OR52L1: variants seen among roughly 807,000 people sequenced by gnomAD.
The protein encoded by OR52L1 is olfactory receptor 52L1.
In OR52L1, 15 loss-of-function variants were observed where a neutral mutation model predicts 16.1. The observed-to-expected ratio is 0.93, with a 90% confidence interval of 0.62 to 1.44. The LOEUF is 1.44. Among genes scored for constraint, OR52L1 ranks in the 40% most tolerant of loss-of-function variants. The pLI is 0.00. For missense variants in OR52L1, 406 were observed against 402.3 expected (o/e 1.01, Z -0.08); for synonymous variants, 166 against 159.2 (o/e 1.04, Z -0.32).
At position 5,986,952 on chromosome 11, in the gene OR52L1, T is replaced by A; in HGVS notation, c.-22A>T. ...TCATGATTTCTGCATTCCTGCTACA[T>A]TATCACATTGTCCAAATGGGGCAAC... On this transcript the variant is annotated 5_prime_UTR_variant, in exon 1 of 1. An upstream start codon of the reference 5' UTR is lost. Transcript: ENST00000332249. 1 of 1,605,380 alleles carries A rather than the reference T, an allele frequency of 6.2e-7. No individual in the cohort carries two copies. Among genetic ancestry groups the A allele is most frequent in the Middle Eastern group, 1.7e-4 (1 of 5,926 alleles).
At position 5,986,837 on chromosome 11, in the gene OR52L1, G is replaced by C. The variant is rs765159898; in HGVS notation, c.94C>G (p.Leu32Val). ...SWRLSQPSFL[L>V]VGIPGLEESQ... The stretch of plus-strand genomic sequence containing the variant: ...TCCTCTAAACCTGGAATCCCTACCA[G>C]GAGAAAAGAAGGCTGGGATAGCCTC... Residue 32 changes from leucine to valine, a missense_variant, in exon 1 of 1, where the codon CTG becomes GTG. Physicochemically the swap from Leu to Val is conservative, Grantham distance 32. Transcript: ENST00000332249. The C allele has an allele frequency of 6.2e-7, 1 of 1,614,028 alleles. No individual in the cohort carries two copies. The highest frequency in any genetic ancestry group is 8.5e-7 in the Non-Finnish European group (1 of 1,179,876).
Position 5,985,896 on chromosome 11 carries a change from T to A in OR52L1, c.*45A>T. 6.6e-7 allele frequency: 1 copy of A among 1,521,562 alleles called. No homozygotes were observed. Among genetic ancestry groups the A allele is most frequent in the Non-Finnish European group, 8.8e-7 (1 of 1,132,582 alleles). 94.3% of individuals were successfully genotyped at this position (1,521,562 alleles called of 1,614,324 possible). ...ACCAGTCACAGGCTCCTGGCTGTGG[T>A]CCGCAGAAGAAGCCTCCGAAGGAAA... On this transcript the variant is annotated 3_prime_UTR_variant, in exon 1 of 1. Coordinates refer to ENST00000332249, the MANE Select transcript of OR52L1 (RefSeq NM_001005173.3).
Position 5,986,938 on chromosome 11 carries a change from G to A in OR52L1, c.-8C>T. ...AAAAGAAACCAAAGTCATGATTTCT[G>A]CATTCCTGCTACATTATCACATTGT... On this transcript the variant is annotated 5_prime_UTR_variant, in exon 1 of 1. It introduces an in-frame stop codon into an upstream open reading frame of the 5' UTR. Coordinates refer to ENST00000332249, the MANE Select transcript of OR52L1 (RefSeq NM_001005173.3). 3.1e-6 allele frequency: 5 copies of A among 1,610,110 alleles called. No homozygotes were observed. Among genetic ancestry groups the A allele is most frequent in the Non-Finnish European group, 3.4e-6 (4 of 1,178,260 alleles).
In OR52L1 at chr11:5,986,529, C is replaced by T. The variant is rs748019743; in HGVS notation, c.402G>A (p.Val134=). 1.2e-6 allele frequency: 2 copies of T among 1,613,880 alleles called. No homozygotes were observed. Among genetic ancestry groups the T allele is most frequent in the South Asian group, 1.1e-5 (1 of 91,058 alleles). ...CTACATAGCGATCCAGAGCCATGGC[C>T]ACAAGTACCCCTGACTCCATGGAGG... ...AFSSMESGVL[V]AMALDRYVAI... is the part of the protein sequence containing the mutation. Residue 134 remains valine, a synonymous_variant, in exon 1 of 1, where the codon GTG becomes GTA. Transcript: ENST00000332249.
In OR52L1 at chr11:5,986,459, C is replaced by A. The variant is rs1848118516; in HGVS notation, c.472G>T (p.Val158Phe). 1.9e-6 allele frequency: 3 copies of A among 1,613,966 alleles called. No homozygotes were observed. The South Asian group carries it at 3.3e-5, about 18-fold the overall frequency. The change falls in exon 1 of 1, where the codon GTC becomes TTC. Residue 158 changes from valine to phenylalanine, a missense_variant. Transcript: ENST00000332249. ...ACCACCATTCCGATGCGCCCTATGA[C>A]CCCTGGATGCAGGATTGTGGAATGG... is the stretch of plus-strand genomic sequence containing the variant. ...LHHSTILHPG[V>F]IGRIGMVVLV... is the part of the protein sequence containing the mutation.
chr11:5,986,735 T>C lies in OR52L1; in HGVS notation c.196A>G (p.Ile66Val). 1.9e-6 allele frequency: 3 copies of C among 1,613,832 alleles called. No homozygotes were observed. Among genetic ancestry groups the C allele is most frequent in the Non-Finnish European group, 2.5e-6 (3 of 1,179,846 alleles). Reference sequence around the variant, plus strand: ...TGCAAGGATGGGTCCATCCAGATGATGAAGAGAATGGTAACATTGCCCACT... The same window carrying C: ...TGCAAGGATGGGTCCATCCAGATGACGAAGAGAATGGTAACATTGCCCACT... ...ALVGNVTILF[I>V]IWMDPSLHQS... The change falls in exon 1 of 1, where the codon ATC becomes GTC. Residue 66 changes from isoleucine (I) to valine (V), a missense_variant. Ile to Val is a conservative substitution (Grantham distance 29, BLOSUM62 3). Transcript: ENST00000332249.
Position 5,985,971 on chromosome 11 carries a change from T to A in OR52L1, c.960A>T (p.Arg320=). The change falls in exon 1 of 1, where the codon CGA becomes CGT. Residue 320 remains arginine (R), a synonymous_variant. Transcript: ENST00000332249. ...YGVKTQQIRQ[R]VLRVFTQKD ...CCTTTTGTGTAAACACTCTGAGCAC[T>A]CGCTGGCGGATCTGCTGAGTCTTCA... 6.2e-7 allele frequency: 1 copy of A among 1,610,818 alleles called. No individual in the cohort carries two copies. Among genetic ancestry groups the A allele is most frequent in the South Asian group, 1.1e-5 (1 of 90,450 alleles).
chr11:5,986,183 C>T lies in OR52L1; in HGVS notation c.748G>A (p.Glu250Lys), dbSNP rs571425623. ...GTGCTAAACGCCTTAAGTCGGGCCTCACTCCCTGGTACCTTCAGCACTGCC... is the reference window on the plus strand; with the variant it reads ...GTGCTAAACGCCTTAAGTCGGGCCTTACTCCCTGGTACCTTCAGCACTGCC... ...LQAVLKVPGS[E>K]ARLKAFSTCG... Residue 250 changes from glutamate (E) to lysine (K), a missense_variant, in exon 1 of 1, where the codon GAG becomes AAG. Physicochemically the swap from Glu to Lys is moderately conservative, Grantham distance 56. Coordinates refer to ENST00000332249, the MANE Select transcript of OR52L1 (RefSeq NM_001005173.3). 3.6e-5 allele frequency: 58 copies of T among 1,613,866 alleles called. 1 individual carries two copies. The South Asian group carries it at 5.8e-4, about 16-fold the overall frequency.
In OR52L1 at chr11:5,986,450, G is replaced by C. The variant is rs4436524; in HGVS notation, c.481C>G (p.Arg161Gly). Residue 161 changes from arginine (R) to glycine (G), a missense_variant, in exon 1 of 1, where the codon CGC (arginine) becomes GGC (glycine). Arg to Gly is a moderately radical substitution (Grantham distance 125). Transcript: ENST00000332249. ...STILHPGVIG[R>G]IGMVVLVRGL... Reference sequence around the variant, plus strand: ...CTCACCAGCACCACCATTCCGATGCGCCCTATGACCCCTGGATGCAGGATT... The same window carrying C: ...CTCACCAGCACCACCATTCCGATGCCCCCTATGACCCCTGGATGCAGGATT... 1.9e-6 allele frequency: 3 copies of C among 1,613,720 alleles called. No individual in the cohort carries two copies. In the Admixed American group the frequency reaches 5.0e-5, roughly 27 times the overall value.
chr11:5,986,193 T>G lies in OR52L1; in HGVS notation c.738A>C (p.Val246=), dbSNP rs767289781. 1.2e-6 allele frequency: 2 copies of G among 1,613,802 alleles called. No homozygotes were observed. The highest frequency in any genetic ancestry group is 1.7e-6 in the Non-Finnish European group (2 of 1,179,882). The change falls in exon 1 of 1, where the codon GTA becomes GTC. Residue 246 remains valine (V), a synonymous_variant. Coordinates refer to ENST00000332249, the MANE Select transcript of OR52L1 (RefSeq NM_001005173.3). ...YAHILQAVLK[V]PGSEARLKAF... ...CCTTAAGTCGGGCCTCACTCCCTGGTACCTTCAGCACTGCCTGGAGGATGT... is the reference window on the plus strand; with the variant it reads ...CCTTAAGTCGGGCCTCACTCCCTGGGACCTTCAGCACTGCCTGGAGGATGT...
chr11:5,986,357 T>C lies in OR52L1; in HGVS notation c.574A>G (p.Ile192Val), dbSNP rs760594631. 14 of 1,614,000 alleles carry C rather than the reference T, an allele frequency of 8.7e-6. No homozygotes were observed. The highest frequency in any genetic ancestry group is 3.3e-4 in the Middle Eastern group (2 of 6,062). ...GTLIFCQATI[I>V]GHAYCEHMAV... ...ATATGTTCACAATAGGCATGGCCTA[T>C]GATGGTGGCTTGGCAGAAGATAAGT... is the stretch of plus-strand genomic sequence containing the variant. Residue 192 changes from isoleucine to valine, a missense_variant, in exon 1 of 1, where the codon ATA (isoleucine) becomes GTA (valine). Ile to Val is a conservative substitution (Grantham distance 29). Coordinates refer to ENST00000332249, the MANE Select transcript of OR52L1 (RefSeq NM_001005173.3).
chr11:5,985,978 C>T lies in OR52L1; in HGVS notation c.953G>A (p.Arg318His), dbSNP rs377354838. 5.5e-5 allele frequency: 88 copies of T among 1,611,298 alleles called. No individual in the cohort carries two copies. The highest frequency in any genetic ancestry group is 3.5e-4 in the African/African-American group (26 of 74,972). Residue 318 changes from arginine (R) to histidine (H), a missense_variant, in exon 1 of 1, where the codon CGC becomes CAC. By Grantham distance (29) the Arg-to-His change is conservative (BLOSUM62 0). Transcript: ENST00000332249. The part of the protein sequence containing the change: ...LVYGVKTQQI[R>H]QRVLRVFTQK... ...TGTAAACACTCTGAGCACTCGCTGG[C>T]GGATCTGCTGAGTCTTCACTCCATA... is the stretch of plus-strand genomic sequence containing the variant.
Position 5,986,744 on chromosome 11 carries a change from T to C in OR52L1, c.187A>G (p.Ile63Val). The change falls in exon 1 of 1, where the codon ATT (isoleucine) becomes GTT (valine). Residue 63 changes from isoleucine to valine, a missense_variant. Ile to Val is a conservative substitution (Grantham distance 29). Transcript: ENST00000332249. ...GGGTCCATCCAGATGATGAAGAGAATGGTAACATTGCCCACTAAAGCAAGG... is the reference window on the plus strand; with the variant it reads ...GGGTCCATCCAGATGATGAAGAGAACGGTAACATTGCCCACTAAAGCAAGG... ...YLLALVGNVTILFIIWMDPSL... is the reference protein window; with the variant it reads ...YLLALVGNVTVLFIIWMDPSL... 3 of 1,613,896 alleles carry C rather than the reference T, an allele frequency of 1.9e-6. No individual in the cohort carries two copies. Among genetic ancestry groups the C allele is most frequent in the African/African-American group, 2.7e-5 (2 of 75,024 alleles).
At position 5,985,953 on chromosome 11, in the gene OR52L1, T is replaced by C. The variant is rs776061635; in HGVS notation, c.978A>G (p.Thr326=). Residue 326 remains threonine, a synonymous_variant, in exon 1 of 1, where the codon ACA becomes ACG. Transcript: ENST00000332249. ...QIRQRVLRVF[T]QKD Reference sequence around the variant, plus strand: ...GAATATGTTCAGATCAATCCTTTTGTGTAAACACTCTGAGCACTCGCTGGC... The same window carrying C: ...GAATATGTTCAGATCAATCCTTTTGCGTAAACACTCTGAGCACTCGCTGGC... The C allele has an allele frequency of 6.2e-7, 1 of 1,606,600 alleles. No homozygotes were observed. The highest frequency in any genetic ancestry group is 1.3e-5 in the African/African-American group (1 of 74,802).
In OR52L1 at chr11:5,986,802, G is replaced by A. The variant is rs773679482; in HGVS notation, c.129C>T (p.His43=). 6.2e-7 allele frequency: 1 copy of A among 1,614,038 alleles called. No individual in the cohort carries two copies. Among genetic ancestry groups the A allele is most frequent in the South Asian group, 1.1e-5 (1 of 91,078 alleles). The stretch of plus-strand genomic sequence containing the variant: ...GGATGCCCAGGGGCAGTGCAATCCA[G>A]TGCTGGCTTTCCTCTAAACCTGGAA... The part of the protein sequence containing the change: ...VGIPGLEESQ[H]WIALPLGILY... Residue 43 remains histidine (H), a synonymous_variant, in exon 1 of 1, where the codon CAC becomes CAT. Transcript: ENST00000332249.
In OR52L1 at chr11:5,986,769, G is replaced by T. The variant is rs1249118263; in HGVS notation, c.162C>A (p.Leu54=). 2 of 1,613,918 alleles carry T rather than the reference G, an allele frequency of 1.2e-6. No individual in the cohort carries two copies. Among genetic ancestry groups the T allele is most frequent in the African/African-American group, 2.7e-5 (2 of 74,942 alleles). ...TGGTAACATTGCCCACTAAAGCAAG[G>T]AGGTAAAGGATGCCCAGGGGCAGTG... The part of the protein sequence containing the change: ...WIALPLGILY[L]LALVGNVTIL... Residue 54 remains leucine (L), a synonymous_variant, in exon 1 of 1, where the codon CTC becomes CTA. Transcript: ENST00000332249.
rs762172934 is a variant in OR52L1, at chr11:5,986,708, G to A, written c.223C>T (p.Gln75Ter). ...FIIWMDPSLH[Q>*]SMYLFLSMLA... ...ATGGACAGGAAGAGGTACATAGATT[G>A]GTGCAAGGATGGGTCCATCCAGATG... Residue 75 changes from glutamine to a stop codon, truncating the protein, a stop_gained, in exon 1 of 1, where the codon CAA (glutamine) becomes TAA (stop). Transcript: ENST00000332249. LOFTEE classifies it high-confidence loss of function. 1 of 1,613,934 alleles carries A rather than the reference G, an allele frequency of 6.2e-7. No homozygotes were observed. The highest frequency in any genetic ancestry group is 8.5e-7 in the Non-Finnish European group (1 of 1,179,872).
In OR52L1 at chr11:5,986,244, A is replaced by G. The variant is rs200367586; in HGVS notation, c.687T>C (p.Val229=). ...GGGCATAGGAAACACCAATGGCCAG[A>G]ACATCCAGCCCAATCACAAGCAAGG... ...TMALLVIGLD[V]LAIGVSYAHI... is the part of the protein sequence containing the mutation. Residue 229 remains valine (V), a synonymous_variant, in exon 1 of 1, where the codon GTT becomes GTC. Coordinates refer to ENST00000332249, the MANE Select transcript of OR52L1 (RefSeq NM_001005173.3). 44 of 1,613,748 alleles carry G rather than the reference A, an allele frequency of 2.7e-5. No homozygotes were observed. Among genetic ancestry groups the G allele is most frequent in the Non-Finnish European group, 3.6e-5 (42 of 1,179,900 alleles).
rs762174656 is a variant in OR52L1, at chr11:5,986,585, G to A, written c.346C>T (p.Leu116=). ...GCATGGATGAAGAACATCTGGATCA[G>A]GCAGACGATGTACCCAATCTCGTGG... ...HAHEIGYIVC[L]IQMFFIHAFS... is the part of the protein sequence containing the mutation. The change falls in exon 1 of 1, where the codon CTG becomes TTG. Residue 116 remains leucine, a synonymous_variant. Coordinates refer to ENST00000332249, the MANE Select transcript of OR52L1 (RefSeq NM_001005173.3). 7 of 1,613,880 alleles carry A rather than the reference G, an allele frequency of 4.3e-6. No homozygotes were observed. Among genetic ancestry groups the A allele is most frequent in the Non-Finnish European group, 5.9e-6 (7 of 1,179,918 alleles).
Sources: allele counts gnomAD v4.1 joint callset, GRCh38; gene constraint gnomAD v4.1.1; transcripts MANE v1.5; gene names NCBI Gene and HGNC (gene_info 2026-07-23, HGNC 2026-07-21).